Variants in RBFOX1 observed in about 807,000 individuals in gnomAD.
The protein encoded by RBFOX1 is RNA binding fox-1 homolog 1, also known as RNA binding protein fox-1 homolog 1.
RBFOX1 carries 8 observed loss-of-function variants against 57.7 expected under a neutral mutation model. The observed-to-expected ratio is 0.14, with a 90% CI of 0.08 to 0.25. RBFOX1 has a LOEUF of 0.25. Among genes scored for constraint, RBFOX1 ranks in the 10% least tolerant of loss-of-function variants. RBFOX1 has a pLI of 1.00. For missense variants in RBFOX1, 611 were observed against 548.5 expected (o/e 1.11, Z -1.14); for synonymous variants, 326 against 222.4 (o/e 1.47, Z -4.15).
At chr16:5,497,285 C>G (rs890140265) in intron 2 of RBFOX1, among the ~76,000 whole-genome samples, 2 of 151,342 alleles carry the variant, frequency 1.3e-5, no homozygotes, top group Non-Finnish European at 2.9e-5. Flanking sequence ...ACAAGCACTT[C>G]TCTCATCATG....
chr16:7,201,128 A>G (rs150797226), intron 4 of RBFOX1, among the ~76,000 whole-genome samples: 1 of 152,316 alleles, frequency 6.6e-6, no homozygotes, highest in African/African-American at 2.4e-5. Flanking sequence ...CAAAGCTGGA[A>G]GATATGAGAG....
chr16:7,439,510 C>T (rs537525081), intron 4 of RBFOX1, among the ~76,000 whole-genome samples: 3 of 152,316 alleles, frequency 2.0e-5, no homozygotes, highest in South Asian at 2.1e-4. Flanking sequence ...TTCCTCCCAT[C>T]TCCAGGCCTT....
chr16:5,959,582 G>GA (rs938404152), intron 4 of RBFOX1, among the ~76,000 whole-genome samples: 1 of 152,056 alleles, frequency 6.6e-6, no homozygotes, highest in Non-Finnish European at 1.5e-5. Context: ...TCTGATGAAG[G>GA]AAAAAAACAC....
At chr16:5,581,148 C>T (rs1325352229) in intron 2 of RBFOX1, among the ~76,000 whole-genome samples, 5 of 152,246 alleles carry the variant, frequency 3.3e-5, no homozygotes, top group Admixed American at 2.0e-4. Flanking sequence ...GCAGGGCTTT[C>T]TTGGACTCCT....
At chr16:6,833,897 T>G (rs760124935) in intron 3 of RBFOX1, among the ~76,000 whole-genome samples, 10 of 151,938 alleles carry the variant, frequency 6.6e-5, no homozygotes, top group Non-Finnish European at 1.0e-4. Flanking sequence ...GAGAGGAACC[T>G]GGCAAGGTTG....
At chr16:5,912,320 T>C (rs905666072) in intron 4 of RBFOX1, among the ~76,000 whole-genome samples, 6 of 152,208 alleles carry the variant, frequency 3.9e-5, no homozygotes, top group Middle Eastern at 3.2e-3. Context: ...TAATAAATGT[T>C]AGCCGTTGTT....
At chr16:5,582,428 G>A (rs1377074544) in intron 2 of RBFOX1, among the ~76,000 whole-genome samples, 1 of 152,260 alleles carries the variant, frequency 6.6e-6, no homozygotes, top group East Asian at 1.9e-4. Flanking sequence ...GAACTGAGGT[G>A]CAAGTACAGT....
At chr16:5,385,825 T>C (rs978472185) in intron 1 of RBFOX1, among the ~76,000 whole-genome samples, 3 of 152,188 alleles carry the variant, frequency 2.0e-5, no homozygotes, top group African/African-American at 4.8e-5. Context: ...AGCACCAATA[T>C]TGAAATTGAC....
intron 1 of RBFOX1, among the ~76,000 whole-genome samples, chr16:5,435,540 C>G (rs2067890369): frequency 1.3e-5 from 2 of 152,318 alleles, no homozygotes; most frequent in South Asian, 4.1e-4. Context: ...AAACATCTTT[C>G]TAGTTCCAGT....
At chr16:7,441,432 A>G (rs2098765643) in intron 4 of RBFOX1, among the ~76,000 whole-genome samples, 1 of 152,196 alleles carries the variant, frequency 6.6e-6, no homozygotes, top group Non-Finnish European at 1.5e-5. Context: ...CTCCCATTAC[A>G]GAAGAGCAGA....
At chr16:5,751,650 T>C (rs2053209673) in intron 3 of RBFOX1, among the ~76,000 whole-genome samples, 1 of 152,010 alleles carries the variant, frequency 6.6e-6, no homozygotes, top group African/African-American at 2.4e-5. Flanking sequence ...ACTCTAAAGG[T>C]GAGGAGCATT....
intron 4 of RBFOX1, among the ~76,000 whole-genome samples, chr16:7,087,295 C>G (rs1377417570): frequency 6.6e-6 from 1 of 152,170 alleles, no homozygotes. Context: ...GGATCGGCCG[C>G]CTTCCTGTAA....
At chr16:5,424,881 TTCTTTC>T (rs1567489578) in intron 1 of RBFOX1, among the ~76,000 whole-genome samples, 1 of 27,816 alleles carries the variant, frequency 3.6e-5, no homozygotes, top group Non-Finnish European at 8.3e-5. Flanking sequence ...TTTTTTTTCT[TTCTTTC>T]TTTCTTTCTT....
chr16:7,293,727 C>G (rs139915254), intron 4 of RBFOX1, among the ~76,000 whole-genome samples: 2 of 152,232 alleles, frequency 1.3e-5, no homozygotes, highest in African/African-American at 2.4e-5. Flanking sequence ...ACCCAATACC[C>G]GATACATCCC....
intron 3 of RBFOX1, among the ~76,000 whole-genome samples, chr16:6,877,598 G>C (rs538683427): frequency 1.3e-5 from 2 of 152,086 alleles, no homozygotes; most frequent in Admixed American, 1.3e-4. Context: ...AACAATAACC[G>C]TGTCTTTGCA....
intron 1 of RBFOX1, among the ~76,000 whole-genome samples, chr16:5,293,839 A>G (rs1261384520): frequency 2.0e-5 from 3 of 152,126 alleles, no homozygotes; most frequent in Non-Finnish European, 4.4e-5. Flanking sequence ...TTGCAACTAG[A>G]CAGGGATGAT....
chr16:7,360,430 C>T (rs889969623), intron 4 of RBFOX1, among the ~76,000 whole-genome samples: 8 of 151,986 alleles, frequency 5.3e-5, no homozygotes, highest in Admixed American at 3.3e-4. Context: ...TGGGTGTGCA[C>T]GTGTGTGAAT....
intron 5 of RBFOX1, among the ~76,000 whole-genome samples, chr16:7,535,219 G>C (rs1268597145): frequency 6.6e-6 from 1 of 152,082 alleles, no homozygotes; most frequent in African/African-American, 2.4e-5. Flanking sequence ...TTTGCAAACA[G>C]CCCTTATGAA....
At chr16:7,145,867 A>G (rs1331889543) in intron 4 of RBFOX1, among the ~76,000 whole-genome samples, 1 of 151,940 alleles carries the variant, frequency 6.6e-6, no homozygotes, top group Non-Finnish European at 1.5e-5. Flanking sequence ...CTTCCTTCAT[A>G]TACAGCCTAG....
Sources: gnomAD v4.1 joint callset for allele counts (sites outside exome capture counted in the v4.1 genomes callset) on GRCh38, gnomAD v4.1.1 for gene constraint, MANE v1.5 for transcripts, NCBI Gene and HGNC (gene_info 2026-07-23, HGNC 2026-07-21) for gene names.